LPAR1: variants seen among roughly 807,000 people sequenced by gnomAD.
The protein encoded by LPAR1 is lysophosphatidic acid receptor 1.
In LPAR1, 5 loss-of-function variants were observed where a neutral mutation model predicts 23.8. The observed-to-expected ratio is 0.21, with a 90% CI of 0.11 to 0.44. LPAR1 has a LOEUF of 0.44. LPAR1 is among the 20% of genes least tolerant of loss of function. LPAR1 has a pLI of 0.99. For missense variants in LPAR1, 311 were observed against 482.8 expected, an observed-to-expected ratio of 0.64 and a Z score of 3.33; for synonymous variants, 160 against 164.7, an observed-to-expected ratio of 0.97 and a Z score of 0.22.
intron 2 of LPAR1, among the ~76,000 whole-genome samples, chr9:111,023,720 T>C (rs1179851974): frequency 1.3e-5 from 2 of 152,164 alleles, no homozygotes; most frequent in Admixed American, 6.5e-5. Context: ...CAAACTGCAG[T>C]TCATGACTAG....
intron 4 of LPAR1, among the ~76,000 whole-genome samples, chr9:110,962,913 T>C (rs993175860): frequency 2.6e-5 from 4 of 152,186 alleles, no homozygotes; most frequent in African/African-American, 9.6e-5. Flanking sequence ...GACTCTATGA[T>C]TTTCTCAGGT....
At chr9:110,949,634 A>G (rs991022022) in intron 4 of LPAR1, among the ~76,000 whole-genome samples, 5 of 152,224 alleles carry the variant, frequency 3.3e-5, no homozygotes, top group Admixed American at 1.3e-4. Context: ...TGGTTACCCC[A>G]TAAGAAGCCA....
At chr9:111,015,368 T>G (rs2097423175) in intron 2 of LPAR1, among the ~76,000 whole-genome samples, 1 of 152,178 alleles carries the variant, frequency 6.6e-6, no homozygotes, top group African/African-American at 2.4e-5. Context: ...GCATCAATTC[T>G]TCCTCCTAAA....
chr9:110,956,920 T>C (rs997226928), intron 4 of LPAR1, among the ~76,000 whole-genome samples: 4 of 152,158 alleles, frequency 2.6e-5, no homozygotes, highest in Non-Finnish European at 5.9e-5. Context: ...TGATTTTTCC[T>C]AATCCATTCT....
At chr9:110,925,050 G>A (rs2135381421) in intron 5 of LPAR1, among the ~76,000 whole-genome samples, 1 of 152,178 alleles carries the variant, frequency 6.6e-6, no homozygotes, top group Non-Finnish European at 1.5e-5. Flanking sequence ...ATTTGTAAGT[G>A]AATAGGGATT....
intron 5 of LPAR1, among the ~76,000 whole-genome samples, chr9:110,919,675 G>C (rs957802066): frequency 5.9e-5 from 9 of 152,118 alleles, no homozygotes; most frequent in Admixed American, 5.9e-4. Flanking sequence ...TCCCACATTA[G>C]ATGTTCCAGA....
At chr9:110,982,639 A>T (rs1434114374) in intron 2 of LPAR1, among the ~76,000 whole-genome samples, 2 of 151,996 alleles carry the variant, frequency 1.3e-5, no homozygotes, top group African/African-American at 2.4e-5. Context: ...AAAAAATAAA[A>T]ATAAAAAAAT....
intron 2 of LPAR1, among the ~76,000 whole-genome samples, chr9:111,002,349 C>T (rs975748788): frequency 2.0e-5 from 3 of 152,098 alleles, no homozygotes; most frequent in African/African-American, 7.2e-5. Context: ...GTAAATTTCC[C>T]TTCGGAAACC....
chr9:110,884,351 G>A (rs2081761053), intron 5 of LPAR1, among the ~76,000 whole-genome samples: 1 of 152,050 alleles, frequency 6.6e-6, no homozygotes, highest in African/African-American at 2.4e-5. Context: ...AAATCCCTTT[G>A]TAATATGCTC....
intron 5 of LPAR1, among the ~76,000 whole-genome samples, chr9:110,910,141 G>A (rs889639781): frequency 2.6e-5 from 4 of 152,140 alleles, no homozygotes; most frequent in Non-Finnish European, 5.9e-5. Context: ...TAGCTGGAGA[G>A]GAAAAGTGAA....
chr9:110,958,732 A>G (rs1218297978), intron 4 of LPAR1, among the ~76,000 whole-genome samples: 1 of 152,154 alleles, frequency 6.6e-6, no homozygotes, highest in Non-Finnish European at 1.5e-5. Context: ...TTTAAACTAA[A>G]TGTTTTAAAA....
At chr9:110,996,780 T>C (rs955120074) in intron 2 of LPAR1, among the ~76,000 whole-genome samples, 1 of 152,216 alleles carries the variant, frequency 6.6e-6, no homozygotes, top group African/African-American at 2.4e-5. Flanking sequence ...GGTATAATTT[T>C]AGATTTCTAA....
chr9:110,902,379 T>C (rs959391125), intron 5 of LPAR1, among the ~76,000 whole-genome samples: 4 of 152,156 alleles, frequency 2.6e-5, no homozygotes, highest in African/African-American at 9.7e-5. Context: ...GATACCCTCA[T>C]GCTGTTCTTG....
chr9:110,973,201 T>C lies in LPAR1; in HGVS notation c.-104+280A>G, dbSNP rs1042235498. 1.4e-4 allele frequency among the ~76,000 whole-genome samples: 22 copies of C among 152,172 alleles called. 1 individual carries two copies. Among genetic ancestry groups the C allele is most frequent in the African/African-American group, 5.3e-4 (22 of 41,438 alleles). On this transcript the variant is annotated intron_variant, in intron 3 of 5. Coordinates refer to ENST00000683809, the MANE Select transcript of LPAR1 (RefSeq NM_001351411.2). ...TGGACCAAGTTTGACTGCAGGTAAC[T>C]GAAACTGTGGAAAGTGAAGCTTCGG...
At chr9:110,887,009 A>G (rs1178541229) in intron 5 of LPAR1, among the ~76,000 whole-genome samples, 2 of 152,190 alleles carry the variant, frequency 1.3e-5, no homozygotes, top group African/African-American at 2.4e-5. Flanking sequence ...CAACATTAAC[A>G]GGAAGTTTAT....
intron 2 of LPAR1, among the ~76,000 whole-genome samples, chr9:110,974,372 T>G (rs893502854): frequency 3.3e-5 from 5 of 152,190 alleles, no homozygotes; most frequent in Non-Finnish European, 1.5e-5. Flanking sequence ...TTAATCCAAG[T>G]CCTTTGTCCC....
At chr9:110,927,340 T>A (rs2094117134) in intron 5 of LPAR1, among the ~76,000 whole-genome samples, 1 of 152,088 alleles carries the variant, frequency 6.6e-6, no homozygotes, top group Non-Finnish European at 1.5e-5. Flanking sequence ...CTCACATTCA[T>A]TATCCAATAT....
intron 5 of LPAR1, among the ~76,000 whole-genome samples, chr9:110,897,711 A>G (rs948266784): frequency 6.6e-6 from 1 of 152,204 alleles, no homozygotes; most frequent in Non-Finnish European, 1.5e-5. Flanking sequence ...AACATAAGGT[A>G]AAAGGAAAAA....
chr9:110,932,161 T>C (rs1043531911), intron 5 of LPAR1, among the ~76,000 whole-genome samples: 1 of 152,172 alleles, frequency 6.6e-6, no homozygotes, highest in Non-Finnish European at 1.5e-5. Context: ...CTATTGTAAC[T>C]AGGCAACCTG....
Sources: gnomAD v4.1 joint callset for allele counts (sites outside exome capture counted in the v4.1 genomes callset) on GRCh38, gnomAD v4.1.1 for gene constraint, MANE v1.5 for transcripts, NCBI Gene and HGNC (gene_info 2026-07-23, HGNC 2026-07-21) for gene names.